The following SGCZ variants were observed in gnomAD, a reference collection of about 807,000 sequenced individuals.
SGCZ encodes sarcoglycan zeta.
In SGCZ, 40 loss-of-function variants were observed where a neutral mutation model predicts 41.3. The observed-to-expected ratio is 0.97, with a 90% CI of 0.75 to 1.26. SGCZ has a LOEUF of 1.26. Among genes scored for constraint, SGCZ ranks in the 50% most tolerant of loss-of-function variants. The probability of loss-of-function intolerance (pLI) is 0.00; values close to 1 mark genes in which losing one functional copy is unlikely to be tolerated. For synonymous variants in SGCZ, 206 were observed against 137.5 expected, an observed-to-expected ratio of 1.50 and a Z score of -3.49; for missense variants, 552 against 369.8, an observed-to-expected ratio of 1.49 and a Z score of -4.04.
chr8:15,116,373 A>T (rs1807268518), intron 1 of SGCZ, among the ~76,000 whole-genome samples: 1 of 152,242 alleles, frequency 6.6e-6, no homozygotes, highest in African/African-American at 2.4e-5. Context: ...AATGAAACCT[A>T]CAGATAAGAT....
intron 1 of SGCZ, among the ~76,000 whole-genome samples, chr8:15,233,488 G>C (rs1435648302): frequency 2.0e-5 from 3 of 151,648 alleles, no homozygotes; most frequent in Non-Finnish European, 4.4e-5. Context: ...ATTTTTTGCT[G>C]TATTATCATT....
At chr8:14,731,645 G>T (rs1200123846) in intron 1 of SGCZ, among the ~76,000 whole-genome samples, 1 of 152,108 alleles carries the variant, frequency 6.6e-6, no homozygotes, top group Non-Finnish European at 1.5e-5. Context: ...TGCTCTGTGT[G>T]TATGCCTCCT....
intron 2 of SGCZ, among the ~76,000 whole-genome samples, chr8:14,413,299 C>G (rs576405385): frequency 6.6e-6 from 1 of 152,068 alleles, no homozygotes; most frequent in Non-Finnish European, 1.5e-5. Context: ...TCAGAACACA[C>G]GTTGTGTCAG....
intron 1 of SGCZ, among the ~76,000 whole-genome samples, chr8:15,129,995 G>A: frequency 6.6e-6 from 1 of 152,066 alleles, no homozygotes; most frequent in East Asian, 1.9e-4. Flanking sequence ...CATTGGTGAT[G>A]CATCCTGTAT....
intron 1 of SGCZ, among the ~76,000 whole-genome samples, chr8:15,202,617 C>T (rs549889280): frequency 3.3e-5 from 5 of 152,140 alleles, no homozygotes; most frequent in Non-Finnish European, 4.4e-5. Flanking sequence ...TTCATGTAAC[C>T]AAACACAACC....
intron 1 of SGCZ, among the ~76,000 whole-genome samples, chr8:14,814,431 CCAATAGCA>C (rs1220547404): frequency 1.3e-5 from 2 of 152,048 alleles, no homozygotes; most frequent in African/African-American, 4.8e-5. Flanking sequence ...GAAGGCAGGG[CCAATAGCA>C]CTTTCCAGTA....
chr8:14,612,116 G>A (rs891004648), intron 1 of SGCZ, among the ~76,000 whole-genome samples: 1 of 152,114 alleles, frequency 6.6e-6, no homozygotes, highest in Non-Finnish European at 1.5e-5. Context: ...CAAAAGTGAG[G>A]CTTTTCTTTT....
intron 1 of SGCZ, among the ~76,000 whole-genome samples, chr8:14,610,554 T>C (rs1805894537): frequency 6.6e-6 from 1 of 152,164 alleles, no homozygotes; most frequent in Non-Finnish European, 1.5e-5. Context: ...ATCTTAAATG[T>C]ATGTGCTTTT....
Position 14,133,541 on chromosome 8 carries a change from A to C in SGCZ, c.548-25306T>G, listed in dbSNP as rs571799997. On this transcript the variant is annotated intron_variant, in intron 5 of 7. Transcript: ENST00000382080. ...GCTTCCTCTGGAACCAGGGGCCAGG[A>C]CTCTGTTCTAAGAACACTAATTGTT... Among the ~76,000 whole-genome samples the C allele has an allele frequency of 2.6e-5, 4 of 152,248 alleles. No homozygotes were observed. The East Asian group carries it at 5.8e-4, about 22-fold the overall frequency.
At chr8:14,103,341 T>C (rs1802094427) in intron 6 of SGCZ, among the ~76,000 whole-genome samples, 1 of 151,958 alleles carries the variant, frequency 6.6e-6, no homozygotes, top group African/African-American at 2.4e-5. Flanking sequence ...TGAGAAGAGG[T>C]AGGATCCATG....
At chr8:15,136,715 C>T (rs1044312553) in intron 1 of SGCZ, among the ~76,000 whole-genome samples, 2 of 152,150 alleles carry the variant, frequency 1.3e-5, no homozygotes, top group Admixed American at 1.3e-4. Flanking sequence ...GTGCCTTTAA[C>T]CATGATTGTA....
chr8:14,786,424 A>G (rs949723984), intron 1 of SGCZ, among the ~76,000 whole-genome samples: 5 of 152,118 alleles, frequency 3.3e-5, no homozygotes, highest in African/African-American at 1.2e-4. Flanking sequence ...GGATTATGAA[A>G]TTTCCATGAA....
chr8:14,472,362 C>A (rs550958350), intron 2 of SGCZ, among the ~76,000 whole-genome samples: 1 of 151,976 alleles, frequency 6.6e-6, no homozygotes, highest in South Asian at 2.1e-4. Flanking sequence ...GGTATTTACC[C>A]AATCAATACC....
chr8:14,375,129 G>C (rs1021424958), intron 2 of SGCZ, among the ~76,000 whole-genome samples: 5 of 146,210 alleles, frequency 3.4e-5, no homozygotes, highest in Admixed American at 1.3e-4. Flanking sequence ...CAGACAGACA[G>C]ACAGACAGAC....
chr8:15,107,780 C>T (rs1047076338), intron 1 of SGCZ, among the ~76,000 whole-genome samples: 4 of 152,174 alleles, frequency 2.6e-5, no homozygotes, highest in Admixed American at 6.5e-5. Context: ...AATCATTGGC[C>T]TAGCACTCTT....
At chr8:14,166,401 G>A (rs976747554) in intron 4 of SGCZ, among the ~76,000 whole-genome samples, 5 of 152,088 alleles carry the variant, frequency 3.3e-5, no homozygotes, top group Admixed American at 2.6e-4. Context: ...TGCCATAGAC[G>A]ACAATGAGCC....
chr8:14,162,445 G>C (rs1280660987), intron 5 of SGCZ: 1 of 152,080 alleles, frequency 6.6e-6, no homozygotes, highest in Admixed American at 6.6e-5. Flanking sequence ...CTACCCTAAG[G>C]AACCTCACTT....
intron 1 of SGCZ, among the ~76,000 whole-genome samples, chr8:14,855,313 G>C (rs1430134363): frequency 1.3e-5 from 2 of 152,140 alleles, no homozygotes; most frequent in South Asian, 2.1e-4. Context: ...GCCTCACAAA[G>C]TGCTGGGATT....
chr8:14,786,606 T>G (rs553688226), intron 1 of SGCZ, among the ~76,000 whole-genome samples: 74 of 152,146 alleles, frequency 4.9e-4, no homozygotes, highest in African/African-American at 1.7e-3. Context: ...CCATTCACTG[T>G]CTCAGAAAAG....
Sources: allele counts gnomAD v4.1 joint callset (sites outside exome capture counted in the v4.1 genomes callset), GRCh38; gene constraint gnomAD v4.1.1; transcripts MANE v1.5; gene names NCBI Gene and HGNC (gene_info 2026-07-23, HGNC 2026-07-21).